Variants in DGKK observed in about 807,000 individuals in gnomAD.
DGKK encodes 142 kDa diacylglycerol kinase.
Under a neutral mutation model 92.2 loss-of-function variants are expected in DGKK, and 35 were observed. The observed-to-expected ratio is 0.38, with a 90% CI of 0.29 to 0.50. The LOEUF (loss-of-function observed/expected upper bound fraction) is 0.50, where lower values mean the gene tolerates loss of function less well. Ranked by LOEUF, DGKK falls within the 20% of genes least tolerant of loss-of-function variation. The pLI, the probability that DGKK is intolerant of heterozygous loss-of-function variation, is 0.92. For synonymous variants in DGKK, 368 were observed against 360.6 expected, an observed-to-expected ratio of 1.02 and a Z score of -0.23; for missense variants, 910 against 992.2, an observed-to-expected ratio of 0.92 and a Z score of 1.11.
chrX:50,469,898 C>T (rs1302801423), intron 1 of DGKK, 136 bp downstream of exon 1: 3 of 1,047,327 alleles, frequency 2.9e-6, no homozygotes, highest in Non-Finnish European at 3.7e-6. Context: ...GTTCCCCATC[C>T]CTGCATCTTT....
chrX:50,415,045 G>A (rs1455599435), intron 4 of DGKK, among the ~76,000 whole-genome samples: 1 of 111,999 alleles, frequency 8.9e-6, no homozygotes, highest in Non-Finnish European at 1.9e-5. Context: ...CTGTCTCCAC[G>A]TCAATTTCAA....
rs542410510 is a variant in DGKK at position 50,374,749 on chromosome X, G to C, written c.3501+222C>G. ...CCCACAAGACATTTACCAAAGGAGA[G>C]GTTGAGACTTTCTCTCAAGAGTATG... On this transcript the variant is annotated intron_variant, in intron 25 of 27. Transcript: ENST00000611977. 6.7e-4 allele frequency among the ~76,000 whole-genome samples: 75 copies of C among 111,173 alleles called. 1 individual carries two copies. The South Asian group carries it at 0.028, about 41-fold the overall frequency.
intron 4 of DGKK, among the ~76,000 whole-genome samples, chrX:50,413,405 T>C (rs1925351146): frequency 8.9e-6 from 1 of 111,746 alleles, no homozygotes. Flanking sequence ...AGGAAATAAT[T>C]AACAAAGTGA....
At chrX:50,422,918 C>G (rs1182866484) in intron 2 of DGKK, among the ~76,000 whole-genome samples, 1 of 111,789 alleles carries the variant, frequency 8.9e-6, no homozygotes, top group Non-Finnish European at 1.9e-5. Context: ...TGGGTGGCAA[C>G]CTTTGCAGTG....
chrX:50,458,022 C>A (rs1926653745), intron 1 of DGKK, among the ~76,000 whole-genome samples: 1 of 111,024 alleles, frequency 9.0e-6, no homozygotes, highest in African/African-American at 3.3e-5. Flanking sequence ...AAAATTTAAA[C>A]CCTGACTTGT....
At chrX:50,403,956 C>A in intron 5 of DGKK, 93 bp downstream of exon 5, 1 of 1,049,228 alleles carries the variant, frequency 9.5e-7, no homozygotes. Flanking sequence ...AGTCAGTGAC[C>A]TAGTATGAGT....
chrX:50,447,320 G>A (rs1356808773), intron 1 of DGKK, among the ~76,000 whole-genome samples: 1 of 29,730 alleles, frequency 3.4e-5, no homozygotes, highest in African/African-American at 1.3e-4. Flanking sequence ...GTATGTGTGT[G>A]TGTATGTATA....
At chrX:50,445,641 T>G (rs1926287084) in intron 1 of DGKK, among the ~76,000 whole-genome samples, 1 of 111,429 alleles carries the variant, frequency 9.0e-6, no homozygotes, top group Non-Finnish European at 1.9e-5. Context: ...TTGGTCTATG[T>G]GTCTGTTTTT....
At chrX:50,459,826 T>G (rs1926700627) in intron 1 of DGKK, among the ~76,000 whole-genome samples, 1 of 111,375 alleles carries the variant, frequency 9.0e-6, no homozygotes, top group Admixed American at 9.6e-5. Context: ...ACAGTAAGCA[T>G]TAATTGAGGT....
chrX:50,370,547 T>C lies in DGKK; in HGVS notation c.3615A>G (p.Glu1205=), dbSNP rs1557223048. The C allele has an allele frequency of 3.3e-6, 4 of 1,197,316 alleles. No homozygotes were observed. The Admixed American group carries it at 6.8e-5, about 20-fold the overall frequency. The change falls in exon 27 of 28, where the codon GAA becomes GAG. Residue 1205 remains glutamate, a splice_region_variant and synonymous_variant. Coordinates refer to ENST00000611977, the MANE Select transcript of DGKK (RefSeq NM_001013742.4). ...DWMNPIFVPE[E]KSSDTDSRSL... ...TTCTACTGTCAGTGTCCGAAGATTT[T>C]TCCTGAGAAACCACAAGAGGAAGGT...
At chrX:50,421,028 G>A (rs191991201) in intron 3 of DGKK, among the ~76,000 whole-genome samples, 5 of 111,935 alleles carry the variant, frequency 4.5e-5, no homozygotes, top group African/African-American at 1.6e-4. Context: ...ACTTGAAGTG[G>A]TAAAATTGTA....
At chrX:50,450,566 G>A (rs1463094967) in intron 1 of DGKK, among the ~76,000 whole-genome samples, 1 of 111,933 alleles carries the variant, frequency 8.9e-6, no homozygotes, top group African/African-American at 3.2e-5. Flanking sequence ...ATAATCATTT[G>A]TCTGTCTTCT....
rs1238956477 is a variant in DGKK, at chrX:50,366,698, G to A, written c.*2242C>T. On this transcript the variant is annotated 3_prime_UTR_variant, in exon 28 of 28. Coordinates refer to ENST00000611977, the MANE Select transcript of DGKK (RefSeq NM_001013742.4). ...TGCTCATTTGGACATTTTCCCCTTC[G>A]GAAAAAGCTCTTCTGAAGAAAATGC... 2 of 111,774 alleles carry A rather than the reference G, an allele frequency of 1.8e-5. No individual in the cohort carries two copies. Among genetic ancestry groups the A allele is most frequent in the Non-Finnish European group, 3.8e-5 (2 of 53,155 alleles). 9.2% of individuals were successfully genotyped at this position (111,774 alleles called of 1,213,427 possible).
chrX:50,464,484 C>A (rs187089795), intron 1 of DGKK, among the ~76,000 whole-genome samples: 16 of 109,612 alleles, frequency 1.5e-4, no homozygotes, highest in African/African-American at 5.3e-4. Context: ...ATGTGTGTAT[C>A]TAGAGGGGAG....
In DGKK at chrX:50,373,646, C is replaced by T. The variant is rs1383078949; in HGVS notation, c.3501+1325G>A. 3.6e-5 allele frequency among the ~76,000 whole-genome samples: 4 copies of T among 112,358 alleles called. No individual in the cohort carries two copies. The East Asian group carries it at 1.1e-3, about 31-fold the overall frequency. ...GACCTGATTGCCTTAGCCACTCTGC[C>T]TCCTGTGCAGTGTGCCAATTAGATG... is the stretch of plus-strand genomic sequence containing the variant. On this transcript the variant is annotated intron_variant, in intron 25 of 27. Coordinates refer to ENST00000611977, the MANE Select transcript of DGKK (RefSeq NM_001013742.4).
At chrX:50,405,905 TC>T (rs782809485) in intron 4 of DGKK, among the ~76,000 whole-genome samples, 6 of 111,766 alleles carry the variant, frequency 5.4e-5, no homozygotes, top group African/African-American at 2.0e-4. Flanking sequence ...ACCTTTCTAC[TC>T]CCCAAGTCAC....
At chrX:50,401,350 G>T (rs782064663) in intron 7 of DGKK, among the ~76,000 whole-genome samples, 2 of 110,804 alleles carry the variant, frequency 1.8e-5, no homozygotes, top group Admixed American at 9.6e-5. Flanking sequence ...TCAGAACTCT[G>T]GTCCTTTCAA....
rs1924001637 is a variant in DGKK, at chrX:50,367,512, T to G, written c.*1428A>C. On this transcript the variant is annotated 3_prime_UTR_variant, in exon 28 of 28. Transcript: ENST00000611977. ...TTTTCTGATCACTTCAATGCCCCTC[T>G]GTACTCAAGGGAAAAGGGCAAGATG... 8.9e-6 allele frequency: 1 copy of G among 111,790 alleles called. No homozygotes were observed. The highest frequency in any genetic ancestry group is 9.5e-5 in the Admixed American group (1 of 10,579). The allele number at this position is 111,790 out of a possible 1,213,427, so 9.2% of individuals were successfully genotyped here.
chrX:50,400,942 T>C (rs1256731038), intron 8 of DGKK, 95 bp downstream of exon 8: 2 of 817,181 alleles, frequency 2.4e-6, no homozygotes, highest in Non-Finnish European at 3.6e-6. Context: ...GTTTGACTGG[T>C]TGAGGAGAAT....
Sources: allele counts gnomAD v4.1 joint callset (sites outside exome capture counted in the v4.1 genomes callset), GRCh38; gene constraint gnomAD v4.1.1; transcripts MANE v1.5; gene names NCBI Gene and HGNC (gene_info 2026-07-23, HGNC 2026-07-21).